Variants in SORCS3 observed in about 807,000 individuals in gnomAD.
SORCS3 encodes the protein VPS10 domain-containing receptor SorCS3.
Under a neutral mutation model 146.3 loss-of-function variants are expected in SORCS3, and 57 were observed. The observed-to-expected ratio is 0.39, with a 90% CI of 0.31 to 0.49. The LOEUF (loss-of-function observed/expected upper bound fraction) is 0.49, where lower values mean the gene tolerates loss of function less well. Among genes scored for constraint, SORCS3 ranks in the 20% least tolerant of loss-of-function variants. The probability of loss-of-function intolerance (pLI) is 0.92; values close to 1 mark genes in which losing one functional copy is unlikely to be tolerated. For synonymous variants in SORCS3, 653 were observed against 618.5 expected (o/e 1.06, Z -0.83); for missense variants, 1,341 against 1,575.5 (o/e 0.85, Z 2.52).
intron 1 of SORCS3, among the ~76,000 whole-genome samples, chr10:104,650,960 T>C (rs543558753): frequency 6.6e-6 from 1 of 152,324 alleles, no homozygotes; most frequent in East Asian, 1.9e-4. Context: ...CTTTTAAAAA[T>C]CTGTTCTCAG....
chr10:105,129,246 A>G (rs1262803441), intron 7 of SORCS3, among the ~76,000 whole-genome samples: 6 of 151,962 alleles, frequency 3.9e-5, no homozygotes, highest in Admixed American at 2.0e-4. Context: ...CAAGTATTGG[A>G]CAACCATATA....
chr10:104,838,202 T>C (rs2133542976), intron 1 of SORCS3, among the ~76,000 whole-genome samples: 1 of 152,260 alleles, frequency 6.6e-6, no homozygotes, highest in East Asian at 1.9e-4. Flanking sequence ...AGTCAGGTTT[T>C]GCTGTAGATC....
chr10:105,238,401 A>G (rs1037035261), intron 20 of SORCS3, among the ~76,000 whole-genome samples: 2 of 152,196 alleles, frequency 1.3e-5, no homozygotes, highest in Non-Finnish European at 2.9e-5. Flanking sequence ...GGAGTGATGG[A>G]TATGCAGACA....
chr10:105,053,019 G>C (rs1419804038), intron 5 of SORCS3, among the ~76,000 whole-genome samples: 1 of 152,122 alleles, frequency 6.6e-6, no homozygotes, highest in Non-Finnish European at 1.5e-5. Context: ...CAGGGTGCCA[G>C]CATGGTTGGT....
intron 14 of SORCS3, among the ~76,000 whole-genome samples, chr10:105,183,701 C>G: frequency 6.6e-6 from 1 of 152,154 alleles, no homozygotes; most frequent in Non-Finnish European, 1.5e-5. Flanking sequence ...TTCAGATTGT[C>G]GCCAGGCTTG....
chr10:104,941,912 T>A (rs1172268899), intron 3 of SORCS3, among the ~76,000 whole-genome samples: 2 of 152,204 alleles, frequency 1.3e-5, no homozygotes, highest in East Asian at 3.8e-4. Context: ...TATGGGGAAT[T>A]GAGACTTAGC....
intron 24 of SORCS3, 93 bp from the exon 25 acceptor site, chr10:105,256,726 C>G: frequency 1.1e-6 from 1 of 886,590 alleles, no homozygotes; most frequent in African/African-American, 1.6e-5. Context: ...GGATGGAGAT[C>G]AGTGGCCTCC....
intron 1 of SORCS3, among the ~76,000 whole-genome samples, chr10:104,841,937 A>C (rs1589520184): frequency 6.6e-6 from 1 of 152,208 alleles, no homozygotes; most frequent in Admixed American, 6.5e-5. Context: ...GCACGCACTT[A>C]GCATCCTTTT....
At chr10:105,101,357 A>T (rs1262407382) in intron 6 of SORCS3, among the ~76,000 whole-genome samples, 2 of 152,124 alleles carry the variant, frequency 1.3e-5, no homozygotes, top group African/African-American at 4.8e-5. Flanking sequence ...CTGCCTGACA[A>T]TTTAGTTTCC....
intron 14 of SORCS3, among the ~76,000 whole-genome samples, chr10:105,181,679 CT>C (rs148291569): frequency 1.3e-5 from 2 of 152,156 alleles, no homozygotes; most frequent in African/African-American, 2.4e-5. Context: ...AAACATCCCC[CT>C]GGTAACTGTA....
At chr10:104,837,128 A>G (rs2018079192) in intron 1 of SORCS3, among the ~76,000 whole-genome samples, 1 of 152,162 alleles carries the variant, frequency 6.6e-6, no homozygotes, top group South Asian at 2.1e-4. Flanking sequence ...AGGACCTTGT[A>G]TAGTACCTGC....
At chr10:104,773,624 G>C (rs2017276615) in intron 1 of SORCS3, among the ~76,000 whole-genome samples, 1 of 152,220 alleles carries the variant, frequency 6.6e-6, no homozygotes, top group Admixed American at 6.5e-5. Context: ...ACTCAGAATA[G>C]GGAGGCAGAC....
intron 13 of SORCS3, among the ~76,000 whole-genome samples, chr10:105,175,967 A>G (rs1220096873): frequency 6.7e-6 from 1 of 150,158 alleles, no homozygotes; most frequent in Non-Finnish European, 1.5e-5. Flanking sequence ...ATAGAATAAA[A>G]TAGAGAGAGA....
At chr10:104,861,724 G>A (rs2018405701) in intron 2 of SORCS3, among the ~76,000 whole-genome samples, 1 of 152,154 alleles carries the variant, frequency 6.6e-6, no homozygotes, top group Admixed American at 6.5e-5. Context: ...GGATCAGGGA[G>A]GACGTTCCCA....
chr10:104,642,495 C>G (rs1296676064), intron 1 of SORCS3, among the ~76,000 whole-genome samples: 1 of 151,758 alleles, frequency 6.6e-6, no homozygotes, highest in African/African-American at 2.4e-5. Context: ...GCGCAGTCCT[C>G]CAGCCCAAGA....
chr10:105,179,048 G>A (rs925107966), intron 14 of SORCS3, among the ~76,000 whole-genome samples: 6 of 152,148 alleles, frequency 3.9e-5, no homozygotes, highest in African/African-American at 1.4e-4. Flanking sequence ...CAATGGTGAT[G>A]GACTTGGAAG....
chr10:105,131,396 T>TA (rs1448248931), intron 7 of SORCS3, among the ~76,000 whole-genome samples: 7 of 152,176 alleles, frequency 4.6e-5, no homozygotes, highest in Admixed American at 1.3e-4. Context: ...CACAATCCTC[T>TA]AACTGGAAAA....
intron 5 of SORCS3, among the ~76,000 whole-genome samples, chr10:105,059,454 T>A (rs1326432114): frequency 1.3e-5 from 2 of 152,144 alleles, no homozygotes; most frequent in Non-Finnish European, 2.9e-5. Flanking sequence ...ATGACATGAA[T>A]GAGGTTACTG....
chr10:105,254,762 G>A (rs895195007), intron 23 of SORCS3, among the ~76,000 whole-genome samples: 7 of 151,934 alleles, frequency 4.6e-5, no homozygotes, highest in Non-Finnish European at 8.8e-5. Flanking sequence ...TCATGCCACT[G>A]CACTCCAGCC....
Sources: gnomAD v4.1 joint callset for allele counts (sites outside exome capture counted in the v4.1 genomes callset) on GRCh38, gnomAD v4.1.1 for gene constraint, MANE v1.5 for transcripts, NCBI Gene and HGNC (gene_info 2026-07-23, HGNC 2026-07-21) for gene names.